The following UNC5C variants were observed in gnomAD, a reference collection of about 807,000 sequenced individuals.
The protein encoded by UNC5C is unc-5 netrin receptor C.
Under a neutral mutation model 99.8 loss-of-function variants are expected in UNC5C, and 47 were observed. That is an observed-to-expected ratio of 0.47 (90% CI 0.37 to 0.60). UNC5C has a LOEUF of 0.60. UNC5C is among the 20% of genes least tolerant of loss of function. The probability of loss-of-function intolerance (pLI) is 0.00; values close to 1 mark genes in which losing one functional copy is unlikely to be tolerated. For synonymous variants in UNC5C, 487 were observed against 452.2 expected (o/e 1.08, Z -0.98); for missense variants, 1,062 against 1,165.9 (o/e 0.91, Z 1.30).
chr4:95,245,907 T>C (rs1739487515), intron 5 of UNC5C, among the ~76,000 whole-genome samples: 1 of 152,252 alleles, frequency 6.6e-6, no homozygotes, highest in African/African-American at 2.4e-5. Context: ...TACAATATTG[T>C]AATTAAACAA....
chr4:95,436,963 C>T (rs1426169628), intron 1 of UNC5C, among the ~76,000 whole-genome samples: 2 of 144,124 alleles, frequency 1.4e-5, no homozygotes, highest in South Asian at 2.2e-4. Flanking sequence ...TGCCTTTAAT[C>T]GAACATAGAT....
At chr4:95,412,609 G>A (rs1030887608) in intron 1 of UNC5C, among the ~76,000 whole-genome samples, 5 of 152,176 alleles carry the variant, frequency 3.3e-5, no homozygotes, top group Non-Finnish European at 7.3e-5. Context: ...ATGAGAAACA[G>A]TGTGAAGTCA....
intron 1 of UNC5C, among the ~76,000 whole-genome samples, chr4:95,465,144 G>C (rs1156666454): frequency 6.6e-6 from 1 of 152,076 alleles, no homozygotes; most frequent in African/African-American, 2.4e-5. Flanking sequence ...TCACTTGCAG[G>C]CTATGTTAAG....
rs1022635500 is a variant in UNC5C at position 95,170,289 on chromosome 4, G to C, written c.2495C>G (p.Thr832Ser). Residue 832 changes from threonine (T) to serine (S), a missense_variant, in exon 15 of 16, where the codon ACC (threonine) becomes AGC (serine). Physicochemically the swap from Thr to Ser is moderately conservative, Grantham distance 58. Coordinates refer to ENST00000453304, the MANE Select transcript of UNC5C (RefSeq NM_003728.4). Reference sequence around the variant, plus strand: ...ACTGGGCCCCGTGACCGTGGTGATGGTGTTCGCAGGATCCAGCAGCGGCAA... The same window carrying C: ...ACTGGGCCCCGTGACCGTGGTGATGCTGTTCGCAGGATCCAGCAGCGGCAA... ...IDLPLLDPANTITTVTGPSAF... is the reference protein window; with the variant it reads ...IDLPLLDPANSITTVTGPSAF... The C allele has an allele frequency of 5.6e-6, 9 of 1,614,072 alleles. No homozygotes were observed. In the African/African-American group the frequency reaches 1.1e-4, roughly 19 times the overall value.
chr4:95,525,429 G>T (rs1351413464), intron 1 of UNC5C, among the ~76,000 whole-genome samples: 10 of 151,730 alleles, frequency 6.6e-5, no homozygotes, highest in Admixed American at 6.6e-4. Flanking sequence ...ATTTATGCTG[G>T]TGTTTTTCAT....
chr4:95,185,041 C>G lies in UNC5C; in HGVS notation c.2286+6G>C. On this transcript the variant is annotated splice_donor_region_variant and intron_variant, in intron 13 of 15. Transcript: ENST00000453304. ...CCAGACCTTTTGTTCGGCTTGGGAA[C>G]CTTACCTGATATTTAGCCAGCAATT... 6.2e-7 allele frequency: 1 copy of G among 1,609,192 alleles called. No homozygotes were observed. Among genetic ancestry groups the G allele is most frequent in the Non-Finnish European group, 8.5e-7 (1 of 1,178,498 alleles).
intron 3 of UNC5C, among the ~76,000 whole-genome samples, chr4:95,282,063 T>A (rs1328738966): frequency 6.6e-6 from 1 of 152,164 alleles, no homozygotes; most frequent in East Asian, 1.9e-4. Context: ...TAGGATTTCT[T>A]GTGCTTCACC....
intron 1 of UNC5C, 123 bp from the exon 2 acceptor site, chr4:95,335,754 G>T: frequency 1.4e-6 from 1 of 714,730 alleles, no homozygotes; most frequent in Non-Finnish European, 2.3e-6. Flanking sequence ...TGCCTGCTGT[G>T]TGCCAGGCTG....
At chr4:95,428,801 CTA>C in intron 1 of UNC5C, among the ~76,000 whole-genome samples, 1 of 152,262 alleles carries the variant, frequency 6.6e-6, no homozygotes, top group South Asian at 2.1e-4. Context: ...TTAAGCCCAT[CTA>C]TTCAGAGTAA....
rs116184371 is a variant in UNC5C, at chr4:95,460,350, T to G, written c.124+88384A>C. Among the ~76,000 whole-genome samples, 1,088 of 152,328 alleles carry G rather than the reference T, an allele frequency of 7.1e-3. 10 individuals are homozygous for G. Among genetic ancestry groups the G allele is most frequent in the African/African-American group, 0.025 (1,020 of 41,584 alleles). On this transcript the variant is annotated intron_variant, in intron 1 of 15. Coordinates refer to ENST00000453304, the MANE Select transcript of UNC5C (RefSeq NM_003728.4). ...GCAATAACTTAAATAGTTAGCAACA[T>G]GCTTATCTTCCTTTTGTCCAACACA...
intron 12 of UNC5C, among the ~76,000 whole-genome samples, chr4:95,201,186 G>T (rs1442529030): frequency 6.6e-6 from 1 of 152,086 alleles, no homozygotes; most frequent in African/African-American, 2.4e-5. Flanking sequence ...TGTCAGAGCT[G>T]CCCAAACTGT....
intron 3 of UNC5C, among the ~76,000 whole-genome samples, chr4:95,288,463 C>T (rs1210949611): frequency 6.6e-6 from 1 of 152,204 alleles, no homozygotes; most frequent in East Asian, 1.9e-4. Flanking sequence ...TGGATTACTC[C>T]ATGATGTGAA....
chr4:95,497,086 G>A (rs898585056), intron 1 of UNC5C, among the ~76,000 whole-genome samples: 1 of 151,876 alleles, frequency 6.6e-6, no homozygotes, highest in African/African-American at 2.4e-5. Flanking sequence ...TGGTTGATGA[G>A]CACTTAGGTT....
chr4:95,349,375 TAC>T (rs1370437962), intron 1 of UNC5C, among the ~76,000 whole-genome samples: 5 of 118,434 alleles, frequency 4.2e-5, no homozygotes, highest in Admixed American at 8.0e-5. Flanking sequence ...ATCTCCCTCA[TAC>T]ACACACACCC....
intron 1 of UNC5C, among the ~76,000 whole-genome samples, chr4:95,340,434 AT>A (rs1743523596): frequency 6.6e-6 from 1 of 152,132 alleles, no homozygotes; most frequent in East Asian, 1.9e-4. Context: ...CAGAGAGATA[AT>A]TCATGATATA....
In UNC5C at chr4:95,185,095, G is replaced by A. The variant is rs773402815; in HGVS notation, c.2238C>T (p.His746=). 72 of 1,613,746 alleles carry A rather than the reference G, an allele frequency of 4.5e-5. 1 individual carries two copies. The Admixed American group carries it at 7.3e-4, about 16-fold the overall frequency. The part of the protein sequence containing the change: ...GSTHNLRLSI[H]DIAHSLWKSK... ...TCTTCCAGAGGGAATGGGCGATATC[G>A]TGAATTGACAGGCGCAGGTTGTGGG... The change falls in exon 13 of 16, where the codon CAC becomes CAT. Residue 746 remains histidine (H), a synonymous_variant. Coordinates refer to ENST00000453304, the MANE Select transcript of UNC5C (RefSeq NM_003728.4).
At chr4:95,478,081 C>T (rs962554641) in intron 1 of UNC5C, among the ~76,000 whole-genome samples, 8 of 151,942 alleles carry the variant, frequency 5.3e-5, no homozygotes, top group Admixed American at 2.6e-4. Flanking sequence ...TTAGCTCACT[C>T]CTACCACTCC....
intron 2 of UNC5C, among the ~76,000 whole-genome samples, chr4:95,319,440 C>T (rs1366062939): frequency 6.6e-6 from 1 of 152,158 alleles, no homozygotes; most frequent in African/African-American, 2.4e-5. Context: ...TCCAAGGCTC[C>T]GTCATCAGAA....
rs5860397 is a variant in UNC5C at position 95,240,625 on chromosome 4, A to C, written c.1108+1804T>G. On this transcript the variant is annotated intron_variant, in intron 7 of 15. Coordinates refer to ENST00000453304, the MANE Select transcript of UNC5C (RefSeq NM_003728.4). ...GAGACGTGATAAAAATACAAACAAA[A>C]ACAAACACAAACACAAACAAACAAA... is the stretch of plus-strand genomic sequence containing the variant. 4.1e-4 allele frequency among the ~76,000 whole-genome samples: 62 copies of C among 152,176 alleles called. No homozygotes were observed. In the Middle Eastern group the frequency reaches 0.01, roughly 25 times the overall value.
Sources: allele counts gnomAD v4.1 joint callset (sites outside exome capture counted in the v4.1 genomes callset), GRCh38; gene constraint gnomAD v4.1.1; transcripts MANE v1.5; gene names NCBI Gene and HGNC (gene_info 2026-07-23, HGNC 2026-07-21).